PANK1: variants seen among roughly 807,000 people sequenced by gnomAD.
PANK1 encodes the protein pantothenate kinase 1.
In PANK1, 18 loss-of-function variants were observed where a neutral mutation model predicts 40.1. That is an observed-to-expected ratio of 0.45 (90% CI 0.31 to 0.67). PANK1 has a LOEUF of 0.67. Among genes scored for constraint, PANK1 ranks in the 30% least tolerant of loss-of-function variants. The pLI is 0.06. For missense variants in PANK1, 457 were observed against 599.6 expected, an observed-to-expected ratio of 0.76 and a Z score of 2.48; for synonymous variants, 242 against 237.7, an observed-to-expected ratio of 1.02 and a Z score of -0.17.
chr10:89,601,744 A>G (rs1277683808), intron 2 of PANK1, among the ~76,000 whole-genome samples: 1 of 152,188 alleles, frequency 6.6e-6, no homozygotes, highest in Admixed American at 6.5e-5. Context: ...GGTTCTAAAC[A>G]TTTCTTTTTT....
At chr10:89,606,733 A>T (rs557188154) in intron 2 of PANK1, among the ~76,000 whole-genome samples, 1 of 152,312 alleles carries the variant, frequency 6.6e-6, no homozygotes, top group East Asian at 1.9e-4. Context: ...CATGTTGCCC[A>T]GGTGGGTCTT....
At chr10:89,605,271 G>GC (rs1844926712) in intron 2 of PANK1, among the ~76,000 whole-genome samples, 2 of 152,080 alleles carry the variant, frequency 1.3e-5, no homozygotes, top group Admixed American at 6.5e-5. Context: ...GAAGTTTGCC[G>GC]CATTGGTTGA....
At chr10:89,603,758 T>C (rs1188857667) in intron 2 of PANK1, among the ~76,000 whole-genome samples, 1 of 152,196 alleles carries the variant, frequency 6.6e-6, no homozygotes, top group Non-Finnish European at 1.5e-5. Flanking sequence ...TTGGTTAAAA[T>C]GCAGGCTGCT....
At chr10:89,595,440 G>A (rs1443600297) in intron 3 of PANK1, among the ~76,000 whole-genome samples, 1 of 152,120 alleles carries the variant, frequency 6.6e-6, no homozygotes. Context: ...GACAGACACA[G>A]CGAGACTCCA....
intron 1 of PANK1, among the ~76,000 whole-genome samples, chr10:89,623,915 A>G (rs1337999854): frequency 6.6e-6 from 1 of 152,136 alleles, no homozygotes; most frequent in Non-Finnish European, 1.5e-5. Context: ...CAGGGCAAAA[A>G]CTGTATGTTA....
chr10:89,644,698 G>T lies in PANK1; in HGVS notation c.194C>A (p.Pro65Gln). ...DAAPQRLPLLPELQPQPLLPQ... is the reference protein window; with the variant it reads ...DAAPQRLPLLQELQPQPLLPQ... ...GAGCAGTGGCTGCGGCTGCAGCTCC[G>T]GCAGGAGCGGGAGGCGCTGGGGCGC... Residue 65 changes from proline (P) to glutamine (Q), a missense_variant, in exon 1 of 7, where the codon CCG becomes CAG. Pro to Gln is a moderately conservative substitution (Grantham distance 76, BLOSUM62 -1). Coordinates refer to ENST00000307534, the MANE Select transcript of PANK1 (RefSeq NM_148977.3). 1.3e-6 allele frequency: 2 copies of T among 1,545,046 alleles called. No individual in the cohort carries two copies. Among genetic ancestry groups the T allele is most frequent in the Non-Finnish European group, 1.7e-6 (2 of 1,152,724 alleles).
intron 1 of PANK1, among the ~76,000 whole-genome samples, chr10:89,631,244 A>G (rs1474863147): frequency 6.6e-6 from 1 of 152,232 alleles, no homozygotes; most frequent in Non-Finnish European, 1.5e-5. Context: ...ACAAAAGTAA[A>G]CCAGTTCTGG....
At chr10:89,624,657 AT>A (rs928165785) in intron 1 of PANK1, among the ~76,000 whole-genome samples, 1 of 151,904 alleles carries the variant, frequency 6.6e-6, no homozygotes, top group Non-Finnish European at 1.5e-5. Flanking sequence ...AGTTATATTT[AT>A]TTTTTTTAGT....
chr10:89,605,803 T>C (rs1378931328), intron 2 of PANK1, among the ~76,000 whole-genome samples: 1 of 152,158 alleles, frequency 6.6e-6, no homozygotes, highest in African/African-American at 2.4e-5. Context: ...ATCAAAGGAA[T>C]TGTAATCTAT....
At chr10:89,635,368 AG>A (rs1841773104) in intron 1 of PANK1, among the ~76,000 whole-genome samples, 2 of 152,212 alleles carry the variant, frequency 1.3e-5, no homozygotes, top group South Asian at 4.1e-4. Flanking sequence ...GAAGCATAAA[AG>A]GGCAAAAGAG....
rs552358915 is a variant in PANK1, at chr10:89,599,439, C to T, written c.712G>A (p.Asp238Asn). 10 of 1,613,544 alleles carry T rather than the reference C, an allele frequency of 6.2e-6. No homozygotes were observed. The highest frequency in any genetic ancestry group is 3.3e-5 in the Admixed American group (2 of 60,012). ...GGCTTGCCGTTGAAGCCAACAGAGT[C>T]GACATAAAGCAGGCCCTGAATCAGA... ...DCLIQGLLYV[D>N]SVGFNGKPEC... The change falls in exon 3 of 7, where the codon GAC (aspartate) becomes AAC (asparagine). Residue 238 changes from aspartate (D) to asparagine (N), a missense_variant. Physicochemically the swap from Asp to Asn is conservative, Grantham distance 23. This residue lies in a region of PANK1 where 286 missense variants were observed against 415.8 expected (regional missense o/e 0.69). Coordinates refer to ENST00000307534, the MANE Select transcript of PANK1 (RefSeq NM_148977.3).
At chr10:89,611,640 A>G in intron 2 of PANK1, 56 bp downstream of exon 2, 2 of 1,301,060 alleles carry the variant, frequency 1.5e-6, no homozygotes, top group South Asian at 2.8e-5. Context: ...ATGAGTGGCC[A>G]TGATTATGGA....
chr10:89,613,451 G>A (rs1030406609), intron 1 of PANK1, among the ~76,000 whole-genome samples: 1 of 152,192 alleles, frequency 6.6e-6, no homozygotes, highest in African/African-American at 2.4e-5. Flanking sequence ...GGAGGGCTGA[G>A]GGAGGAGTGC....
intron 1 of PANK1, among the ~76,000 whole-genome samples, chr10:89,644,390 C>G (rs552796762): frequency 6.6e-6 from 1 of 152,152 alleles, no homozygotes; most frequent in Admixed American, 6.5e-5. Flanking sequence ...CTGATAGAAG[C>G]GAGCAAAGGG....
chr10:89,643,627 C>T lies in PANK1; in HGVS notation c.292+973G>A. The T allele has an allele frequency of 3.3e-6, 4 of 1,205,510 alleles. No individual in the cohort carries two copies. The South Asian group carries it at 5.2e-5, about 16-fold the overall frequency. 74.7% of individuals were successfully genotyped at this position (1,205,510 alleles called of 1,614,324 possible). A position where few individuals can be genotyped will look rare whatever the true frequency, so the allele number is the denominator to read the frequency against. Reference sequence around the variant, plus strand: ...TCACAGAAATCCAAAACCTACTTAACAATTTCCCTATATCGAACAGCATAA... The same window carrying T: ...TCACAGAAATCCAAAACCTACTTAATAATTTCCCTATATCGAACAGCATAA... On this transcript the variant is annotated intron_variant, in intron 1 of 6. Coordinates refer to ENST00000307534, the MANE Select transcript of PANK1 (RefSeq NM_148977.3).
chr10:89,644,729 C>T lies in PANK1; in HGVS notation c.163G>A (p.Asp55Asn), dbSNP rs1842064477. 3.3e-6 allele frequency: 5 copies of T among 1,527,968 alleles called. No individual in the cohort carries two copies. The highest frequency in any genetic ancestry group is 4.4e-6 in the Non-Finnish European group (5 of 1,144,086). The allele number at this position is 1,527,968 out of a possible 1,614,324, so 94.7% of individuals were successfully genotyped here. Residue 55 changes from aspartate to asparagine, a missense_variant, in exon 1 of 7, where the codon GAC becomes AAC. Transcript: ENST00000307534. ...VCSRGPVGGS[D>N]AAPQRLPLLP... ...AGCGGGAGGCGCTGGGGCGCCGCGT[C>T]GCTGCCGCCCACTGGACCCCGGCTG... is the stretch of plus-strand genomic sequence containing the variant.
chr10:89,623,388 A>AT (rs888107865), intron 1 of PANK1, among the ~76,000 whole-genome samples: 34 of 150,768 alleles, frequency 2.3e-4, no homozygotes, highest in South Asian at 2.1e-3. Context: ...TGCCTGGCTA[A>AT]TTTTTTTTTG....
At chr10:89,592,463 C>T (rs1026878251) in intron 5 of PANK1, among the ~76,000 whole-genome samples, 6 of 152,108 alleles carry the variant, frequency 3.9e-5, no homozygotes, top group African/African-American at 1.4e-4. Flanking sequence ...GTATGTATGT[C>T]ACCTCTATTA....
intron 1 of PANK1, among the ~76,000 whole-genome samples, chr10:89,633,717 C>T (rs767615271): frequency 1.3e-5 from 2 of 152,118 alleles, no homozygotes; most frequent in Non-Finnish European, 2.9e-5. Flanking sequence ...TCACATGAAA[C>T]CAAATATCAC....
Sources: allele counts gnomAD v4.1 joint callset (sites outside exome capture counted in the v4.1 genomes callset), GRCh38; gene constraint gnomAD v4.1.1; regional missense constraint gnomAD v4.1.1; transcripts MANE v1.5; gene names NCBI Gene and HGNC (gene_info 2026-07-23, HGNC 2026-07-21).